The following CNTNAP5 variants were observed in gnomAD, a reference collection of about 807,000 sequenced individuals.
The protein encoded by CNTNAP5 is contactin-associated protein-like 5.
A neutral mutation model predicts 150.2 loss-of-function variants in CNTNAP5; 72 were observed. The observed-to-expected ratio is 0.48, with a 90% confidence interval of 0.40 to 0.58. The LOEUF (loss-of-function observed/expected upper bound fraction) is 0.58, where lower values mean the gene tolerates loss of function less well. Among genes scored for constraint, CNTNAP5 ranks in the 20% least tolerant of loss-of-function variants. The pLI is 0.00. For synonymous variants in CNTNAP5, 672 were observed against 619.8 expected (o/e 1.08, Z -1.25); for missense variants, 1,636 against 1,626.2 (o/e 1.01, Z -0.10).
rs1558722505 is a variant in CNTNAP5, at chr2:124,655,974, A to AGAAAGAAAGAAAGAAG, written c.2077+8031_2077+8032insGGAAAGAAAGAAAGAA. Among the ~76,000 whole-genome samples, 18 of 147,860 alleles carry AGAAAGAAAGAAAGAAG rather than the reference A, an allele frequency of 1.2e-4. 1 individual carries two copies. Among genetic ancestry groups the AGAAAGAAAGAAAGAAG allele is most frequent in the African/African-American group, 4.2e-4 (17 of 40,224 alleles). On this transcript the variant is annotated intron_variant, in intron 13 of 23. Coordinates refer to ENST00000682447, the MANE Select transcript of CNTNAP5 (RefSeq NM_001367498.1). Reference sequence around the variant, plus strand: ...AAGAAAGAAAGAAAGAAAGAAAGAAAGAAAGAAAGAAAGAAAGAAAGAAAA... The same window carrying AGAAAGAAAGAAAGAAG: ...AAGAAAGAAAGAAAGAAAGAAAGAAAGAAAGAAAGAAAGAAGGAAAGAAAGAAAGAAAGAAAGAAAA...
At chr2:124,027,027 G>C (rs564740026) in intron 1 of CNTNAP5, among the ~76,000 whole-genome samples, 46 of 152,336 alleles carry the variant, frequency 3.0e-4, no homozygotes, top group African/African-American at 1.0e-3. Flanking sequence ...TAGTCATAAT[G>C]CCTTATACCG....
At chr2:124,904,747 A>G (rs116074847) in intron 22 of CNTNAP5, among the ~76,000 whole-genome samples, 2 of 152,214 alleles carry the variant, frequency 1.3e-5, no homozygotes, top group Non-Finnish European at 2.9e-5. Flanking sequence ...AAAACCTTAA[A>G]TATAAGACCT....
At chr2:124,547,166 A>G (rs1695531164) in intron 10 of CNTNAP5, among the ~76,000 whole-genome samples, 1 of 152,138 alleles carries the variant, frequency 6.6e-6, no homozygotes, top group Admixed American at 6.6e-5. Flanking sequence ...GACAGTATGC[A>G]GATTCCCTGG....
intron 3 of CNTNAP5, among the ~76,000 whole-genome samples, chr2:124,317,462 G>A (rs1419618001): frequency 2.6e-5 from 4 of 152,204 alleles, no homozygotes; most frequent in Admixed American, 2.0e-4. Flanking sequence ...GCTCGCCAGT[G>A]CTCACAAAGG....
chr2:124,561,867 T>G (rs539525760), intron 10 of CNTNAP5, among the ~76,000 whole-genome samples: 3 of 152,232 alleles, frequency 2.0e-5, no homozygotes, highest in Admixed American at 6.5e-5. Context: ...ACCCATTTGT[T>G]GTATTATATA....
At chr2:124,877,735 G>A (rs995087408) in intron 21 of CNTNAP5, among the ~76,000 whole-genome samples, 8 of 152,034 alleles carry the variant, frequency 5.3e-5, no homozygotes, top group African/African-American at 1.4e-4. Flanking sequence ...GAAGTATCCC[G>A]TGTAGGCTAT....
chr2:124,248,838 C>T (rs1176678778), intron 3 of CNTNAP5, among the ~76,000 whole-genome samples: 1 of 152,144 alleles, frequency 6.6e-6, no homozygotes, highest in African/African-American at 2.4e-5. Flanking sequence ...CAGTCCCCTA[C>T]AAACTGGTTG....
At chr2:124,763,903 T>C in intron 15 of CNTNAP5, 74 bp from the exon 16 acceptor site, 1 of 1,592,704 alleles carries the variant, frequency 6.3e-7, no homozygotes, top group Non-Finnish European at 8.6e-7. Flanking sequence ...TCTTGAAAAT[T>C]ATCCACATGT....
At chr2:124,106,104 T>C (rs1473149962) in intron 1 of CNTNAP5, among the ~76,000 whole-genome samples, 1 of 152,174 alleles carries the variant, frequency 6.6e-6, no homozygotes, top group Non-Finnish European at 1.5e-5. Context: ...ATACAAGTTA[T>C]CATTGCAGGA....
rs147645054 is a variant in CNTNAP5 at position 124,206,617 on chromosome 2, A to G, written c.83-15088A>G. Among the ~76,000 whole-genome samples, 432 of 152,274 alleles carry G rather than the reference A, an allele frequency of 2.8e-3. 2 individuals are homozygous for G. The highest frequency in any genetic ancestry group is 4.7e-3 in the Non-Finnish European group (323 of 68,032). On this transcript the variant is annotated intron_variant, in intron 1 of 23. Coordinates refer to ENST00000682447, the MANE Select transcript of CNTNAP5 (RefSeq NM_001367498.1). ...GATGAGGGATAGCTAGAGAAGAGAGACCACCAGTGCTCCAGGCTCTTGATG... is the reference window on the plus strand; with the variant it reads ...GATGAGGGATAGCTAGAGAAGAGAGGCCACCAGTGCTCCAGGCTCTTGATG...
At chr2:124,605,809 CAAAAAAAAAAA>C (rs36090348) in intron 11 of CNTNAP5, among the ~76,000 whole-genome samples, 5 of 34,432 alleles carry the variant, frequency 1.5e-4, no homozygotes, top group East Asian at 1.5e-3. Flanking sequence ...AAGACTCTGT[CAAAAAAAAAAA>C]AAAAAAAAAA....
chr2:124,150,774 C>T (rs1320580473), intron 1 of CNTNAP5, among the ~76,000 whole-genome samples: 1 of 152,142 alleles, frequency 6.6e-6, no homozygotes, highest in East Asian at 1.9e-4. Context: ...TAATCACCTC[C>T]TAAAGGTCCC....
intron 4 of CNTNAP5, among the ~76,000 whole-genome samples, chr2:124,428,690 C>A (rs1444452746): frequency 6.8e-6 from 1 of 146,650 alleles, no homozygotes; most frequent in African/African-American, 2.5e-5. Flanking sequence ...TTTTTTTGAG[C>A]TTTGGTTTTC....
At chr2:124,074,210 G>A (rs745918768) in intron 1 of CNTNAP5, among the ~76,000 whole-genome samples, 4 of 152,000 alleles carry the variant, frequency 2.6e-5, no homozygotes, top group Non-Finnish European at 5.9e-5. Flanking sequence ...TGGGGATAGT[G>A]GAAGGCATGT....
chr2:124,162,985 C>CA (rs35126288), intron 1 of CNTNAP5, among the ~76,000 whole-genome samples: 12,314 of 151,840 alleles, frequency 0.081, 681 homozygotes, highest in Non-Finnish European at 0.13. Context: ...TTGAAGTTGA[C>CA]AAAAAAGGGG....
rs577321485 is a variant in CNTNAP5 at position 124,172,113 on chromosome 2, C to T, written c.83-49592C>T. Among the ~76,000 whole-genome samples, 33 of 152,250 alleles carry T rather than the reference C, an allele frequency of 2.2e-4. No individual in the cohort carries two copies. In the South Asian group the frequency reaches 3.9e-3, roughly 18 times the overall value. ...TTAAAATAAATTATGTAGAGAAAGG[C>T]TGCATTTTTCCTTTTGAAATAGCAG... On this transcript the variant is annotated intron_variant, in intron 1 of 23. Transcript: ENST00000682447.
chr2:124,468,884 C>T (rs887458060), intron 6 of CNTNAP5, among the ~76,000 whole-genome samples: 1 of 152,208 alleles, frequency 6.6e-6, no homozygotes, highest in Admixed American at 6.5e-5. Context: ...TCTGCGTTGC[C>T]TCTTCCTCAG....
intron 19 of CNTNAP5, among the ~76,000 whole-genome samples, chr2:124,858,252 A>G (rs1573666178): frequency 6.6e-6 from 1 of 152,200 alleles, no homozygotes; most frequent in African/African-American, 2.4e-5. Context: ...TTAGGAAAAG[A>G]GGAAGTCAAA....
At chr2:124,496,292 G>A (rs1468668420) in intron 7 of CNTNAP5, among the ~76,000 whole-genome samples, 3 of 152,266 alleles carry the variant, frequency 2.0e-5, no homozygotes, top group Non-Finnish European at 2.9e-5. Context: ...TGCTGACAGC[G>A]TGCCAGTCAG....
Sources: allele counts gnomAD v4.1 joint callset (sites outside exome capture counted in the v4.1 genomes callset), GRCh38; gene constraint gnomAD v4.1.1; transcripts MANE v1.5; gene names NCBI Gene and HGNC (gene_info 2026-07-23, HGNC 2026-07-21).